Variants in CCDC74A observed in about 807,000 individuals in gnomAD.
The protein encoded by CCDC74A is coiled-coil domain containing 74A.
Under a neutral mutation model 37.6 loss-of-function variants are expected in CCDC74A, and 38 were observed. The observed-to-expected ratio is 1.01, with a 90% CI of 0.78 to 1.33. The LOEUF (loss-of-function observed/expected upper bound fraction) is 1.33. Ranked by LOEUF, CCDC74A falls within the 40% of genes most tolerant of loss-of-function variation. CCDC74A has a pLI of 0.00. For missense variants in CCDC74A, 340 were observed against 403.4 expected (o/e 0.84, Z 1.35); for synonymous variants, 134 against 165.2 (o/e 0.81, Z 1.45).
rs562279215 is a variant in CCDC74A at position 131,528,395 on chromosome 2, C to A, written c.250+175C>A. ...GCTGTCCCCTCCTCCCAGAGGGAGACCCGCGTGGCCCCCGGGCAGTGCCGA... is the reference window on the plus strand; with the variant it reads ...GCTGTCCCCTCCTCCCAGAGGGAGAACCGCGTGGCCCCCGGGCAGTGCCGA... On this transcript the variant is annotated intron_variant, in intron 1 of 7. Transcript: ENST00000409856. 2.5e-5 allele frequency: 39 copies of A among 1,550,422 alleles called. 1 individual carries two copies. Among genetic ancestry groups the A allele is most frequent in the South Asian group, 1.8e-4 (15 of 84,108 alleles).
chr2:131,532,846 C>T lies in CCDC74A; in HGVS notation c.679-18C>T, dbSNP rs377101795. ...GCACCGCCACAGGCCCCACCATGCC[C>T]CTGCCCCTGCCTTTCAGCTGCGGCA... is the stretch of plus-strand genomic sequence containing the variant. On this transcript the variant is annotated intron_variant, in intron 5 of 7. Transcript: ENST00000409856. 1.3e-4 allele frequency: 209 copies of T among 1,612,682 alleles called. 3 individuals carry two copies. The Middle Eastern group carries it at 2.0e-3, about 16-fold the overall frequency.
chr2:131,523,580 T>C (rs1680201035), upstream of CCDC74A, among the ~76,000 whole-genome samples: 3 of 152,066 alleles, frequency 2.0e-5, no homozygotes, highest in African/African-American at 2.4e-5. Flanking sequence ...TAAGCCGAGA[T>C]CGCACCACTG....
chr2:131,532,033 T>C (rs1380327100), intron 4 of CCDC74A, among the ~76,000 whole-genome samples: 2 of 150,400 alleles, frequency 1.3e-5, no homozygotes, highest in African/African-American at 2.4e-5. Flanking sequence ...AGAGTACCTG[T>C]GCTGACCTGA....
chr2:131,532,717 C>T lies in CCDC74A; in HGVS notation c.614C>T (p.Thr205Ile). 8 of 1,613,700 alleles carry T rather than the reference C, an allele frequency of 5.0e-6. No homozygotes were observed. Among genetic ancestry groups the T allele is most frequent in the Non-Finnish European group, 6.8e-6 (8 of 1,179,806 alleles). The change falls in exon 5 of 8, where the codon ACA becomes ATA. Residue 205 changes from threonine to isoleucine, a missense_variant. By Grantham distance (89) the Thr-to-Ile change is moderately conservative. Transcript: ENST00000409856. Reference protein sequence around the residue: ...ILPLPLRKPTTLRQCEVLIRE... With the variant: ...ILPLPLRKPTILRQCEVLIRE... ...CCCCTTCCCCTGCGAAAGCCCACCA[C>T]ACTTAGGCAGTGCGAAGTGCTCATC...
rs569398337 is a variant in CCDC74A at position 131,532,667 on chromosome 2, G to A, written c.564G>A (p.Ala188=). 63 of 1,613,056 alleles carry A rather than the reference G, an allele frequency of 3.9e-5. No individual in the cohort carries two copies. Among genetic ancestry groups the A allele is most frequent in the Middle Eastern group, 1.7e-4 (1 of 5,984 alleles). The change falls in exon 5 of 8, where the codon GCG becomes GCA. Residue 188 remains alanine, a synonymous_variant. Coordinates refer to ENST00000409856, the MANE Select transcript of CCDC74A (RefSeq NM_001258306.3). ...NSQHQGRQMG[A]GAHPPMILPL... ...AGCACCAGGGCAGGCAGATGGGGGC[G>A]GGGGCACACCCCCCAATGATCCTGC...
Position 131,533,608 on chromosome 2 carries a change from C to G in CCDC74A, c.*210C>G, listed in dbSNP as rs578163684. ...TATTTGGCATTTACATAAAAGCACA[C>G]GATGAAGCAGGTATCGCCTTACCTG... is the stretch of plus-strand genomic sequence containing the variant. On this transcript the variant is annotated 3_prime_UTR_variant, in exon 8 of 8. Transcript: ENST00000409856. 1.5e-6 allele frequency: 1 copy of G among 648,470 alleles called. No homozygotes were observed. Among genetic ancestry groups the G allele is most frequent in the African/African-American group, 1.8e-5 (1 of 54,840 alleles). The allele number at this position is 648,470 out of a possible 1,614,324, so 40.2% of individuals were successfully genotyped here.
chr2:131,533,533 T>C lies in CCDC74A; in HGVS notation c.*135T>C, dbSNP rs978854536. 1.5e-5 allele frequency: 19 copies of C among 1,242,298 alleles called. No individual in the cohort carries two copies. Among genetic ancestry groups the C allele is most frequent in the Non-Finnish European group, 1.9e-5 (17 of 907,392 alleles). 77.0% of individuals were successfully genotyped at this position (1,242,298 alleles called of 1,614,324 possible). A position where few individuals can be genotyped will look rare whatever the true frequency, so the allele number is the denominator to read the frequency against. Reference sequence around the variant, plus strand: ...CAGATAACACTCAAGATAGATAAAGTACTTGATCTCCAAACTGACAAACTG... The same window carrying C: ...CAGATAACACTCAAGATAGATAAAGCACTTGATCTCCAAACTGACAAACTG... On this transcript the variant is annotated 3_prime_UTR_variant, in exon 8 of 8. Transcript: ENST00000409856.
upstream of CCDC74A, among the ~76,000 whole-genome samples, chr2:131,527,030 AT>A (rs35146706): frequency 0.022 from 2,992 of 136,166 alleles, 75 homozygotes; most frequent in African/African-American, 0.065. Flanking sequence ...CCTGGCTGTG[AT>A]TTTTTTTTTT....
upstream of CCDC74A, among the ~76,000 whole-genome samples, chr2:131,522,830 T>G (rs905990257): frequency 6.6e-6 from 1 of 152,192 alleles, no homozygotes; most frequent in African/African-American, 2.4e-5. Context: ...CCTTTCCCCT[T>G]GGACATCCAA....
intron 2 of CCDC74A, chr2:131,530,403 G>A (rs1236351179): frequency 2.6e-5 from 41 of 1,549,028 alleles, no homozygotes; most frequent in Non-Finnish European, 3.4e-5. Context: ...AGGGGGTTGA[G>A]GGAGGGCCCT....
intron 1 of CCDC74A, 116 bp from the exon 2 acceptor site, chr2:131,529,531 G>C (rs1434179304): frequency 7.2e-7 from 1 of 1,383,150 alleles, no homozygotes; most frequent in Non-Finnish European, 1.0e-6. Context: ...GGCCCAATCA[G>C]CCAGTGGGGG....
chr2:131,532,448 CCA>C, intron 4 of CCDC74A, 139 bp from the exon 5 acceptor site: 1 of 995,224 alleles, frequency 1.0e-6, no homozygotes, highest in Non-Finnish European at 1.5e-6. Context: ...CACCTGGTGC[CCA>C]GAGCACCCTG....
chr2:131,524,175 G>C (rs1470499678), upstream of CCDC74A, among the ~76,000 whole-genome samples: 1 of 152,154 alleles, frequency 6.6e-6, no homozygotes, highest in African/African-American at 2.4e-5. Flanking sequence ...TTCACTGCCA[G>C]TGACTTGGAC....
In CCDC74A at chr2:131,533,423, G is replaced by A; in HGVS notation, c.*25G>A. The A allele has an allele frequency of 6.2e-7, 1 of 1,610,872 alleles. No individual in the cohort carries two copies. Among genetic ancestry groups the A allele is most frequent in the African/African-American group, 1.3e-5 (1 of 74,970 alleles). On this transcript the variant is annotated 3_prime_UTR_variant, in exon 8 of 8. Coordinates refer to ENST00000409856, the MANE Select transcript of CCDC74A (RefSeq NM_001258306.3). ...AGCCACCCCAATCTGGTCAGTGCCAGGCCCACCAACCTGCAGCTGGAGACT... is the reference window on the plus strand; with the variant it reads ...AGCCACCCCAATCTGGTCAGTGCCAAGCCCACCAACCTGCAGCTGGAGACT...
upstream of CCDC74A, among the ~76,000 whole-genome samples, chr2:131,524,620 C>G (rs1680228690): frequency 6.6e-6 from 1 of 152,052 alleles, no homozygotes; most frequent in Non-Finnish European, 1.5e-5. Context: ...GCAATCTCCA[C>G]TGCTATGTTT....
chr2:131,533,262 G>C lies in CCDC74A; in HGVS notation c.810-7G>C. ...GCTCACGGTGACAGTCCCTCTACCC[G>C]CCCCAGCCTGAGCCCACCTGTGGCG... On this transcript the variant is annotated splice_region_variant and splice_polypyrimidine_tract_variant and intron_variant, in intron 7 of 7. Coordinates refer to ENST00000409856, the MANE Select transcript of CCDC74A (RefSeq NM_001258306.3). The C allele has an allele frequency of 6.2e-7, 1 of 1,612,514 alleles. No individual in the cohort carries two copies. Among genetic ancestry groups the C allele is most frequent in the South Asian group, 1.1e-5 (1 of 91,008 alleles).
intron 7 of CCDC74A, 76 bp downstream of exon 7, chr2:131,533,145 T>C: frequency 6.2e-7 from 1 of 1,610,710 alleles, no homozygotes; most frequent in Non-Finnish European, 8.5e-7. Flanking sequence ...GAAGGGAGGG[T>C]GGCAGCGCAG....
At chr2:131,529,970 G>C in intron 2 of CCDC74A, 5 of 1,512,896 alleles carry the variant, frequency 3.3e-6, no homozygotes, top group Non-Finnish European at 4.4e-6. Context: ...CCTCCAAGTA[G>C]AGCTGAAATG....
rs141289181 is a variant in CCDC74A, at chr2:131,533,028, G to A, written c.768G>A (p.Thr256=). 1.7e-4 allele frequency: 282 copies of A among 1,613,798 alleles called. 1 individual carries two copies. The highest frequency in any genetic ancestry group is 2.3e-4 in the Non-Finnish European group (267 of 1,179,850). The change falls in exon 7 of 8, where the codon ACG becomes ACA. Residue 256 remains threonine (T), a synonymous_variant. Transcript: ENST00000409856. ...EASFPRDQEA[T]HFPKVSTKSL... is the part of the protein sequence containing the mutation. ...CTTCACCCAGGGACCAAGAAGCCAC[G>A]CATTTCCCCAAGGTCTCCACCAAGA...
Sources: allele counts gnomAD v4.1 joint callset (sites outside exome capture counted in the v4.1 genomes callset), GRCh38; gene constraint gnomAD v4.1.1; transcripts MANE v1.5; gene names NCBI Gene and HGNC (gene_info 2026-07-23, HGNC 2026-07-21).